The following KIF16B variants were observed in gnomAD, a reference collection of about 807,000 sequenced individuals.
The protein encoded by KIF16B is kinesin-like protein KIF16B.
Under a neutral mutation model 156.3 loss-of-function variants are expected in KIF16B, and 98 were observed. The observed-to-expected ratio is 0.63, with a 90% CI of 0.53 to 0.74. The LOEUF (loss-of-function observed/expected upper bound fraction) is 0.74. Among genes scored for constraint, KIF16B ranks in the 30% least tolerant of loss-of-function variants. The pLI is 0.00. For synonymous variants in KIF16B, 564 were observed against 583.7 expected (o/e 0.97, Z 0.49); for missense variants, 1,421 against 1,606.5 (o/e 0.88, Z 1.97).
intron 16 of KIF16B, among the ~76,000 whole-genome samples, chr20:16,405,236 C>T (rs1052078763): frequency 6.6e-6 from 1 of 152,150 alleles, no homozygotes; most frequent in African/African-American, 2.4e-5. Flanking sequence ...ACCTGGCAGG[C>T]AGCAATCTCC....
intron 12 of KIF16B, among the ~76,000 whole-genome samples, chr20:16,491,728 G>A (rs2068298549): frequency 6.6e-6 from 1 of 152,152 alleles, no homozygotes. Flanking sequence ...CAGCCACGAT[G>A]ACCATGTTGC....
intron 24 of KIF16B, among the ~76,000 whole-genome samples, chr20:16,313,922 A>T (rs1344583754): frequency 6.6e-6 from 1 of 152,222 alleles, no homozygotes; most frequent in Non-Finnish European, 1.5e-5. Flanking sequence ...TCTGATAAAC[A>T]TATGTACGTA....
intron 12 of KIF16B, among the ~76,000 whole-genome samples, chr20:16,462,559 C>T (rs1197023321): frequency 6.6e-6 from 1 of 152,084 alleles, no homozygotes; most frequent in East Asian, 1.9e-4. Context: ...CTGGGTGTTT[C>T]AGCCTGTGTT....
At chr20:16,384,164 A>G (rs900837262) in intron 17 of KIF16B, among the ~76,000 whole-genome samples, 2 of 152,132 alleles carry the variant, frequency 1.3e-5, no homozygotes, top group Admixed American at 6.5e-5. Flanking sequence ...TTTAATATCT[A>G]AAGTGACATT....
Position 16,379,760 on chromosome 20 carries a change from T to C in KIF16B, c.2242A>G (p.Lys748Glu), listed in dbSNP as rs2065045398. ...DEQYAKLELE[K>E]KRLEEQEKEQ... ...TTCTCCTGCTCCTCTAGTCTCTTTT[T>C]TTCCAGTTCAAGCTTGGCATACTGT... is the stretch of plus-strand genomic sequence containing the variant. The change falls in exon 19 of 26, where the codon AAA (lysine) becomes GAA (glutamate). Residue 748 changes from lysine (K) to glutamate (E), a missense_variant. Transcript: ENST00000354981. 3.1e-6 allele frequency: 5 copies of C among 1,614,190 alleles called. No individual in the cohort carries two copies. The highest frequency in any genetic ancestry group is 4.2e-6 in the Non-Finnish European group (5 of 1,180,042).
At position 16,496,242 on chromosome 20, in the gene KIF16B, T is replaced by C. The variant is rs1002491376; in HGVS notation, c.1242+1371A>G. On this transcript the variant is annotated intron_variant, in intron 11 of 25. Transcript: ENST00000354981. ...TAATTTATACTCATCAGTTAACAGATTGTCATTGGCAATTTATGTGAGAAC... is the reference window on the plus strand; with the variant it reads ...TAATTTATACTCATCAGTTAACAGACTGTCATTGGCAATTTATGTGAGAAC... Among the ~76,000 whole-genome samples, 4 of 152,212 alleles carry C rather than the reference T, an allele frequency of 2.6e-5. No individual in the cohort carries two copies. In the East Asian group the frequency reaches 5.8e-4, roughly 22 times the overall value.
intron 4 of KIF16B, among the ~76,000 whole-genome samples, chr20:16,514,252 T>C (rs1288853411): frequency 6.6e-6 from 1 of 152,124 alleles, no homozygotes; most frequent in Non-Finnish European, 1.5e-5. Flanking sequence ...GAAGTAATGA[T>C]AAAAGGAAAT....
chr20:16,501,594 A>C (rs1423046976), intron 10 of KIF16B, among the ~76,000 whole-genome samples: 2 of 152,138 alleles, frequency 1.3e-5, no homozygotes, highest in South Asian at 4.1e-4. Context: ...AAACCCCTCA[A>C]ATGCCCATCT....
chr20:16,294,741 G>A (rs1232411809), intron 25 of KIF16B, among the ~76,000 whole-genome samples: 1 of 152,156 alleles, frequency 6.6e-6, no homozygotes, highest in Non-Finnish European at 1.5e-5. Flanking sequence ...AATATCACAG[G>A]TAGGGCAACA....
At chr20:16,500,062 T>C in intron 10 of KIF16B, among the ~76,000 whole-genome samples, 1 of 152,152 alleles carries the variant, frequency 6.6e-6, no homozygotes. Context: ...CAATATACTG[T>C]ATAATCAATT....
chr20:16,345,671 C>T (rs1321167950), intron 23 of KIF16B, among the ~76,000 whole-genome samples: 1 of 152,152 alleles, frequency 6.6e-6, no homozygotes. Context: ...TAAGAAACAA[C>T]AGATAGTCTC....
chr20:16,386,863 A>G (rs902118360), intron 17 of KIF16B, among the ~76,000 whole-genome samples: 5 of 152,142 alleles, frequency 3.3e-5, no homozygotes, highest in African/African-American at 1.2e-4. Flanking sequence ...AAATAATCCT[A>G]GTCCTCAGTG....
chr20:16,324,954 C>T (rs1216881725), intron 24 of KIF16B, among the ~76,000 whole-genome samples: 6 of 151,930 alleles, frequency 3.9e-5, no homozygotes, highest in East Asian at 1.9e-4. Context: ...TAATCCACCA[C>T]GATCAAGTGG....
chr20:16,297,226 TC>T (rs2070537090), intron 25 of KIF16B, among the ~76,000 whole-genome samples: 1 of 152,336 alleles, frequency 6.6e-6, no homozygotes, highest in African/African-American at 2.4e-5. Context: ...ATCAGGTCTC[TC>T]CCCATCATTG....
chr20:16,365,222 T>C, intron 22 of KIF16B, among the ~76,000 whole-genome samples: 1 of 152,108 alleles, frequency 6.6e-6, no homozygotes, highest in East Asian at 1.9e-4. Flanking sequence ...AATATATTAG[T>C]TTTAAAAAGT....
chr20:16,520,938 CCTGA>C (rs1422289808), intron 3 of KIF16B, among the ~76,000 whole-genome samples: 4 of 152,022 alleles, frequency 2.6e-5, no homozygotes, highest in Non-Finnish European at 4.4e-5. Context: ...AGCAGAGGGG[CCTGA>C]CTGTTAGAAG....
chr20:16,336,217 A>G (rs2064033857), intron 23 of KIF16B, among the ~76,000 whole-genome samples: 1 of 152,230 alleles, frequency 6.6e-6, no homozygotes. Context: ...TGGCTCTCAG[A>G]TCTTGTTACA....
rs527616875 is a variant in KIF16B at position 16,544,513 on chromosome 20, A to C, written c.48-16073T>G. ...TCCCAGCTCCTTGGGAGGCTGAGAC[A>C]GGAGAGTCGCTTGAACCTGGAAGGC... On this transcript the variant is annotated intron_variant, in intron 1 of 25. Transcript: ENST00000354981. 1.3e-4 allele frequency among the ~76,000 whole-genome samples: 19 copies of C among 146,642 alleles called. 1 individual carries two copies. Among genetic ancestry groups the C allele is most frequent in the African/African-American group, 4.8e-4 (19 of 39,966 alleles).
chr20:16,409,155 G>A (rs552371655), intron 15 of KIF16B, among the ~76,000 whole-genome samples: 1 of 152,218 alleles, frequency 6.6e-6, no homozygotes, highest in South Asian at 2.1e-4. Flanking sequence ...TTTATTATAG[G>A]GGAAACTAGA....
Sources: gnomAD v4.1 joint callset for allele counts (sites outside exome capture counted in the v4.1 genomes callset) on GRCh38, gnomAD v4.1.1 for gene constraint, MANE v1.5 for transcripts, NCBI Gene and HGNC (gene_info 2026-07-23, HGNC 2026-07-21) for gene names.